CARS2: variants seen among roughly 807,000 people sequenced by gnomAD.
CARS2 encodes probable cysteine--tRNA ligase, mitochondrial.
CARS2 carries 52 observed loss-of-function variants against 68.8 expected under a neutral mutation model. The observed-to-expected ratio is 0.76, with a 90% confidence interval of 0.61 to 0.95. The LOEUF is 0.95. Among genes scored for constraint, CARS2 ranks in the 40% least tolerant of loss-of-function variants. CARS2 has a pLI of 0.00. For missense variants in CARS2, 780 were observed against 754.2 expected, an observed-to-expected ratio of 1.03 and a Z score of -0.40; for synonymous variants, 314 against 303.6, an observed-to-expected ratio of 1.03 and a Z score of -0.36.
chr13:110,643,318 G>A (rs1887647638), intron 13 of CARS2: 1 of 157,830 alleles, frequency 6.3e-6, no homozygotes, highest in Non-Finnish European at 1.4e-5. Flanking sequence ...AAATGAACAT[G>A]TACATTGCAA....
chr13:110,661,515 G>A (rs28879112), intron 9 of CARS2, among the ~76,000 whole-genome samples: 2,451 of 152,310 alleles, frequency 0.016, 68 homozygotes, highest in African/African-American at 0.056. Flanking sequence ...CAATAAGGTT[G>A]TTTTGCTTGC....
At chr13:110,690,796 T>C (rs1211710119) in intron 3 of CARS2, among the ~76,000 whole-genome samples, 1 of 152,236 alleles carries the variant, frequency 6.6e-6, no homozygotes, top group East Asian at 1.9e-4. Flanking sequence ...CCTGGAGGTG[T>C]CTGTCTTCCT....
At chr13:110,646,154 A>G in intron 11 of CARS2, 64 bp from the exon 12 acceptor site, 9 of 1,544,496 alleles carry the variant, frequency 5.8e-6, no homozygotes, top group Non-Finnish European at 7.8e-6. Context: ...CGGCCCCCAC[A>G]CCAGTCCTTC....
intron 3 of CARS2, among the ~76,000 whole-genome samples, chr13:110,700,061 T>C (rs7319459): frequency 0.36 from 54,249 of 152,162 alleles, 11,092 homozygotes; most frequent in African/African-American, 0.57. Flanking sequence ...AAGTCAGAGC[T>C]GTGGGAGTGG....
rs2139948493 is a variant in CARS2 at position 110,706,072 on chromosome 13, G to A, written c.22C>T (p.Pro8Ser). 1.5e-6 allele frequency: 2 copies of A among 1,346,674 alleles called. No homozygotes were observed. Among genetic ancestry groups the A allele is most frequent in the Non-Finnish European group, 1.9e-6 (2 of 1,049,548 alleles). The allele number at this position is 1,346,674 out of a possible 1,614,324, so 83.4% of individuals were successfully genotyped here. Reference protein sequence around the residue: MLRTTRGPGLGPPLLQAA... With the variant: MLRTTRGSGLGPPLLQAA... The stretch of plus-strand genomic sequence containing the variant: ...TGGAGCAGCGGGGGGCCCAGGCCTG[G>A]GCCGCGCGTAGTCCTCAACATGTCA... The change falls in exon 1 of 15, where the codon CCA (proline) becomes TCA (serine). Residue 8 changes from proline to serine, a missense_variant. By Grantham distance (74) the Pro-to-Ser change is moderately conservative (BLOSUM62 -1). Transcript: ENST00000257347.
At chr13:110,693,713 G>A (rs1053840623) in intron 3 of CARS2, among the ~76,000 whole-genome samples, 1 of 152,040 alleles carries the variant, frequency 6.6e-6, no homozygotes, top group South Asian at 2.1e-4. Context: ...TGAAACATAT[G>A]ATCATTCCTC....
At chr13:110,681,678 G>T (rs1251332249) in intron 6 of CARS2, among the ~76,000 whole-genome samples, 2 of 152,206 alleles carry the variant, frequency 1.3e-5, no homozygotes, top group Non-Finnish European at 2.9e-5. Flanking sequence ...AAGCAGCGAA[G>T]ATGCCCTTCA....
intron 3 of CARS2, among the ~76,000 whole-genome samples, chr13:110,693,623 T>G (rs2063539164): frequency 6.6e-6 from 1 of 152,168 alleles, no homozygotes; most frequent in Admixed American, 6.5e-5. Flanking sequence ...CCTCCCAAAA[T>G]GCTGGGATTA....
chr13:110,641,718 TAA>T, intron 14 of CARS2, 110 bp from the exon 15 acceptor site: 1 of 888,254 alleles, frequency 1.1e-6, no homozygotes. Flanking sequence ...CGGCCTGTCC[TAA>T]AAAGCTTGCC....
chr13:110,703,777 G>A (rs567828703), intron 2 of CARS2, among the ~76,000 whole-genome samples: 2 of 152,392 alleles, frequency 1.3e-5, no homozygotes, highest in East Asian at 1.9e-4. Context: ...CCTGGGAGGA[G>A]ATGGGCCTAC....
chr13:110,658,330 T>C (rs1041233128), intron 9 of CARS2, among the ~76,000 whole-genome samples: 12 of 152,012 alleles, frequency 7.9e-5, no homozygotes, highest in East Asian at 1.9e-4. Context: ...GCCAAAATCA[T>C]AGAAACAGAA....
chr13:110,687,485 T>C (rs560243221), intron 5 of CARS2, among the ~76,000 whole-genome samples: 1 of 152,154 alleles, frequency 6.6e-6, no homozygotes, highest in African/African-American at 2.4e-5. Flanking sequence ...TTGGCCAACA[T>C]GGTGAAACCT....
At chr13:110,685,274 C>T (rs923759636) in intron 5 of CARS2, among the ~76,000 whole-genome samples, 6 of 151,822 alleles carry the variant, frequency 4.0e-5, no homozygotes, top group African/African-American at 1.2e-4. Flanking sequence ...TGTGCCACTG[C>T]ACTCCAGCCT....
chr13:110,681,696 A>G (rs963230629), intron 6 of CARS2, among the ~76,000 whole-genome samples: 2 of 152,218 alleles, frequency 1.3e-5, no homozygotes, highest in Non-Finnish European at 2.9e-5. Flanking sequence ...TCAGTAGGTG[A>G]GTGCTTAAGC....
Position 110,653,664 on chromosome 13 carries a change from C to A in CARS2, c.988-2564G>T, listed in dbSNP as rs959982559. ...AACCCCAACAACATTAAAGGCTTATCTTCCCTGCTCTTGCGGGGGCGGGCG... is the reference window on the plus strand; with the variant it reads ...AACCCCAACAACATTAAAGGCTTATATTCCCTGCTCTTGCGGGGGCGGGCG... On this transcript the variant is annotated intron_variant, in intron 9 of 14. Transcript: ENST00000257347. The surrounding 1 kb of genome is among the most constrained non-coding windows in gnomAD (Gnocchi z 5.6). Among the ~76,000 whole-genome samples the A allele has an allele frequency of 3.3e-5, 5 of 152,246 alleles. No individual in the cohort carries two copies. The highest frequency in any genetic ancestry group is 4.1e-4 in the South Asian group (2 of 4,832).
At chr13:110,671,214 C>T (rs1483905343) in intron 7 of CARS2, among the ~76,000 whole-genome samples, 7 of 152,184 alleles carry the variant, frequency 4.6e-5, no homozygotes, top group Admixed American at 6.5e-5. Flanking sequence ...ATACAGAGAA[C>T]GCCACAGAGA....
At chr13:110,659,321 T>G (rs2062445813) in intron 9 of CARS2, among the ~76,000 whole-genome samples, 1 of 152,098 alleles carries the variant, frequency 6.6e-6, no homozygotes, top group African/African-American at 2.4e-5. Flanking sequence ...GTTTTCCTTG[T>G]AAACAAAGCT....
At chr13:110,697,832 G>C (rs890688289) in intron 3 of CARS2, 4 of 402,328 alleles carry the variant, frequency 9.9e-6, no homozygotes, top group African/African-American at 8.4e-5. Context: ...ATTGGGAAAA[G>C]GCTAGAACTG....
At chr13:110,650,023 G>A (rs538322747) in intron 10 of CARS2, among the ~76,000 whole-genome samples, 6 of 140,764 alleles carry the variant, frequency 4.3e-5, no homozygotes, top group South Asian at 4.6e-4. Flanking sequence ...CTGCACCTCC[G>A]CCTCCTGGGT....
Sources: gnomAD v4.1 joint callset for allele counts (sites outside exome capture counted in the v4.1 genomes callset) on GRCh38, gnomAD v4.1.1 for gene constraint, Gnocchi (gnomAD v3.1) non-coding constraint, MANE v1.5 for transcripts, NCBI Gene and HGNC (gene_info 2026-07-23, HGNC 2026-07-21) for gene names.